FAT3: variants seen among roughly 807,000 people sequenced by gnomAD.
The protein encoded by FAT3 is protocadherin Fat 3.
FAT3 carries 95 observed loss-of-function variants against 310.2 expected under a neutral mutation model. The observed-to-expected ratio is 0.31, with a 90% CI of 0.26 to 0.36. The LOEUF is 0.36. FAT3 is among the 10% of genes least tolerant of loss of function. The pLI is 1.00. For missense variants in FAT3, 5,408 were observed against 5,715.6 expected (o/e 0.95, Z 1.74); for synonymous variants, 2,314 against 2,192.9 (o/e 1.06, Z -1.54).
chr11:92,747,266 C>G (rs1348125075), intron 4 of FAT3, among the ~76,000 whole-genome samples: 2 of 152,238 alleles, frequency 1.3e-5, no homozygotes, highest in African/African-American at 4.8e-5. Flanking sequence ...TCTGTGCACC[C>G]ACAGGCCCAA....
chr11:92,504,378 C>T (rs1246709579), intron 2 of FAT3, among the ~76,000 whole-genome samples: 5 of 152,066 alleles, frequency 3.3e-5, no homozygotes, highest in African/African-American at 1.2e-4. Context: ...GGTCTCTGCT[C>T]AGCACTCAAC....
At chr11:92,263,978 C>G (rs1248581348) in intron 1 of FAT3, among the ~76,000 whole-genome samples, 3 of 152,042 alleles carry the variant, frequency 2.0e-5, no homozygotes, top group African/African-American at 7.2e-5. Context: ...AGTAGATAAT[C>G]ATTATGCCCA....
In FAT3 at chr11:92,282,668, A is replaced by T. The variant is rs1055266957; in HGVS notation, c.-18+57494A>T. Among the ~76,000 whole-genome samples the T allele has an allele frequency of 8.8e-3, 1,334 of 152,226 alleles. 10 individuals are homozygous for T. Among genetic ancestry groups the T allele is most frequent in the African/African-American group, 0.03 (1,259 of 41,542 alleles). ...TCTATCTCAAAAAATAAAAAAAAAA[A>T]AAAAGGATGTTGTAAATCACACATA... On this transcript the variant is annotated intron_variant, in intron 1 of 27. Coordinates refer to ENST00000525166, the MANE Select transcript of FAT3 (RefSeq NM_001367949.2).
At chr11:92,554,071 G>T (rs554732744) in intron 3 of FAT3, among the ~76,000 whole-genome samples, 18 of 152,138 alleles carry the variant, frequency 1.2e-4, no homozygotes, top group South Asian at 6.2e-4. Context: ...CTCCCAAAGT[G>T]CTGGGATTAC....
chr11:92,515,563 A>G (rs1480474942), intron 2 of FAT3, among the ~76,000 whole-genome samples: 4 of 152,112 alleles, frequency 2.6e-5, no homozygotes, highest in African/African-American at 9.7e-5. Context: ...GGTTTTTGTT[A>G]ACAACTGGTC....
intron 3 of FAT3, among the ~76,000 whole-genome samples, chr11:92,694,175 C>T (rs1455709531): frequency 2.0e-5 from 3 of 152,180 alleles, no homozygotes; most frequent in Non-Finnish European, 4.4e-5. Flanking sequence ...ATTTTCATCC[C>T]TTCAAAAAGA....
rs1287085406 is a variant in FAT3, at chr11:92,835,035, A to C, written c.10037A>C (p.Tyr3346Ser). The C allele has an allele frequency of 6.2e-7, 1 of 1,613,728 alleles. No homozygotes were observed. The highest frequency in any genetic ancestry group is 8.5e-7 in the Non-Finnish European group (1 of 1,179,796). Reference sequence around the variant, plus strand: ...CCTCCCAAGTTCAGCCAAGACGTCTACAGTGCGGTTATCAGTGAAGACGCC... The same window carrying C: ...CCTCCCAAGTTCAGCCAAGACGTCTCCAGTGCGGTTATCAGTGAAGACGCC... ...DNPPKFSQDV[Y>S]SAVISEDALV... Residue 3346 changes from tyrosine to serine, a missense_variant, in exon 15 of 28, where the codon TAC (tyrosine) becomes TCC (serine). By Grantham distance (144) the Tyr-to-Ser change is moderately radical. Around this residue, in one of 5 missense-constraint regions of FAT3, gnomAD observed 4,588 missense variants for 4,809.8 expected, o/e 0.95. Coordinates refer to ENST00000525166, the MANE Select transcript of FAT3 (RefSeq NM_001367949.2).
chr11:92,680,933 T>G (rs765777055), intron 3 of FAT3, among the ~76,000 whole-genome samples: 2 of 152,214 alleles, frequency 1.3e-5, no homozygotes, highest in African/African-American at 2.4e-5. Context: ...CTAGAAACTT[T>G]TAGTGGTAGA....
At chr11:92,844,817 T>C in intron 19 of FAT3, 85 bp downstream of exon 19, 1 of 1,354,062 alleles carries the variant, frequency 7.4e-7, no homozygotes, top group Non-Finnish European at 9.9e-7. Context: ...CTGCATTCAA[T>C]CATTCGTTCA....
intron 12 of FAT3, among the ~76,000 whole-genome samples, chr11:92,807,813 G>A (rs955567683): frequency 6.6e-6 from 1 of 152,174 alleles, no homozygotes; most frequent in African/African-American, 2.4e-5. Flanking sequence ...CTGCATTGAA[G>A]GCCAGAGCTA....
intron 2 of FAT3, among the ~76,000 whole-genome samples, chr11:92,368,828 G>GTATATA (rs1565263475): frequency 8.3e-5 from 9 of 108,114 alleles, no homozygotes; most frequent in African/African-American, 5.2e-4. Flanking sequence ...ATGTTTGTGT[G>GTATATA]TATACATATA....
At chr11:92,631,426 A>T (rs1284563307) in intron 3 of FAT3, among the ~76,000 whole-genome samples, 1 of 151,790 alleles carries the variant, frequency 6.6e-6, no homozygotes, top group Non-Finnish European at 1.5e-5. Context: ...TGAGGGAGGG[A>T]GCTGGTGGGA....
intron 4 of FAT3, among the ~76,000 whole-genome samples, chr11:92,744,977 C>G (rs527313575): frequency 6.6e-6 from 1 of 152,260 alleles, no homozygotes; most frequent in South Asian, 2.1e-4. Context: ...AGTGTTTGCT[C>G]AGCTAGTAAT....
intron 19 of FAT3, among the ~76,000 whole-genome samples, chr11:92,853,649 G>A (rs1948891001): frequency 2.0e-5 from 3 of 152,160 alleles, no homozygotes. Flanking sequence ...GAGCCCCGCG[G>A]TGGGTAGCCC....
intron 2 of FAT3, among the ~76,000 whole-genome samples, chr11:92,368,819 T>A (rs1949090712): frequency 6.8e-6 from 1 of 147,036 alleles, no homozygotes; most frequent in South Asian, 2.1e-4. Flanking sequence ...AACAACAGTA[T>A]GTTTGTGTGT....
chr11:92,511,105 A>G (rs1367341829), intron 2 of FAT3, among the ~76,000 whole-genome samples: 6 of 152,226 alleles, frequency 3.9e-5, no homozygotes, highest in African/African-American at 1.4e-4. Flanking sequence ...TAATGCCTTC[A>G]TCAAACTATG....
At chr11:92,322,205 T>C (rs1199857736) in intron 1 of FAT3, among the ~76,000 whole-genome samples, 1 of 152,206 alleles carries the variant, frequency 6.6e-6, no homozygotes, top group Non-Finnish European at 1.5e-5. Context: ...TGCAAAATTT[T>C]TGGTTTCCCA....
chr11:92,475,774 T>G (rs1280501405), intron 2 of FAT3, among the ~76,000 whole-genome samples: 1 of 152,242 alleles, frequency 6.6e-6, no homozygotes, highest in Non-Finnish European at 1.5e-5. Flanking sequence ...TTTATGAGTA[T>G]GAATTTGGAG....
intron 4 of FAT3, among the ~76,000 whole-genome samples, chr11:92,737,676 T>C (rs1591666294): frequency 1.3e-5 from 2 of 152,264 alleles, no homozygotes; most frequent in Admixed American, 1.3e-4. Flanking sequence ...TTACTAAAAA[T>C]AAGCAGTCAG....
Sources: allele counts gnomAD v4.1 joint callset (sites outside exome capture counted in the v4.1 genomes callset), GRCh38; gene constraint gnomAD v4.1.1; regional missense constraint gnomAD v4.1.1; transcripts MANE v1.5; gene names NCBI Gene and HGNC (gene_info 2026-07-23, HGNC 2026-07-21).